The following SLC35F5 variants were observed in gnomAD, a reference collection of about 807,000 sequenced individuals.
SLC35F5 encodes the protein solute carrier family 35 member F5, also known as HCV NS5A-transactivated protein 3.
In SLC35F5, 54 loss-of-function variants were observed where a neutral mutation model predicts 68.6. That is an observed-to-expected ratio of 0.79 (90% confidence interval 0.63 to 0.99). SLC35F5 has a LOEUF of 0.99. Ranked by LOEUF, SLC35F5 falls within the 50% of genes least tolerant of loss-of-function variation. The pLI is 0.00. For synonymous variants in SLC35F5, 211 were observed against 205.2 expected (o/e 1.03, Z -0.24); for missense variants, 567 against 626.9 (o/e 0.90, Z 1.02).
At position 113,730,642 on chromosome 2, in the gene SLC35F5, C is replaced by T. The variant is rs548340433; in HGVS notation, c.985+942G>A. 2.6e-5 allele frequency among the ~76,000 whole-genome samples: 4 copies of T among 152,300 alleles called. No homozygotes were observed. In the South Asian group the frequency reaches 8.3e-4, roughly 32 times the overall value. On this transcript the variant is annotated intron_variant, in intron 10 of 15. Coordinates refer to ENST00000245680, the MANE Select transcript of SLC35F5 (RefSeq NM_025181.5). ...TATTATGAGGTCTCACTATGCTGCC[C>T]AGGCTGGTATTGAACTCCTGGCCTC...
At chr2:113,739,568 G>A (rs1225353048) in intron 7 of SLC35F5, among the ~76,000 whole-genome samples, 1 of 152,116 alleles carries the variant, frequency 6.6e-6, no homozygotes, top group Non-Finnish European at 1.5e-5. Context: ...TGATAATTAC[G>A]TATGTAATAA....
At chr2:113,731,437 AT>A (rs985093488) in intron 10 of SLC35F5, 146 bp downstream of exon 10, 24 of 591,408 alleles carry the variant, frequency 4.1e-5, no homozygotes, top group East Asian at 1.8e-4. Context: ...CTATTTACGC[AT>A]TTTTTTATGT....
rs951884257 is a variant in SLC35F5, at chr2:113,729,415, A to C, written c.1076T>G (p.Ile359Ser). ...RKVDREDKLDIPMFFGFVGLF... is the reference protein window; with the variant it reads ...RKVDREDKLDSPMFFGFVGLF... ...TATATTCTTACCAAAGAACATTGGAATATCCAACTTGTCTTCTCTATCTAC... is the reference window on the plus strand; with the variant it reads ...TATATTCTTACCAAAGAACATTGGACTATCCAACTTGTCTTCTCTATCTAC... Residue 359 changes from isoleucine (I) to serine (S), a missense_variant, in exon 11 of 16, where the codon ATT (isoleucine) becomes AGT (serine). By Grantham distance (142) the Ile-to-Ser change is moderately radical. Coordinates refer to ENST00000245680, the MANE Select transcript of SLC35F5 (RefSeq NM_025181.5). 6.6e-7 allele frequency: 1 copy of C among 1,518,776 alleles called. No homozygotes were observed. Among genetic ancestry groups the C allele is most frequent in the South Asian group, 1.2e-5 (1 of 85,776 alleles). 94.1% of individuals were successfully genotyped at this position (1,518,776 alleles called of 1,614,324 possible).
chr2:113,718,998 T>G (rs1465918888), intron 14 of SLC35F5, among the ~76,000 whole-genome samples, 156 bp downstream of exon 14: 1 of 151,894 alleles, frequency 6.6e-6, no homozygotes, highest in African/African-American at 2.4e-5. Context: ...ACCCAAAAGA[T>G]CTAAACCAAT....
At chr2:113,756,298 G>T in intron 1 of SLC35F5, 72 bp downstream of exon 1, 1 of 1,548,120 alleles carries the variant, frequency 6.5e-7, no homozygotes. Flanking sequence ...AGGGCAGGAG[G>T]TGGTGCTGCT....
At chr2:113,723,609 C>T (rs1369049913) in intron 12 of SLC35F5, among the ~76,000 whole-genome samples, 3 of 152,098 alleles carry the variant, frequency 2.0e-5, no homozygotes, top group Non-Finnish European at 4.4e-5. Context: ...AAGTGATAAG[C>T]CAACATGTGA....
chr2:113,729,231 G>T (rs1168222576), intron 11 of SLC35F5, among the ~76,000 whole-genome samples, 170 bp downstream of exon 11: 2 of 152,168 alleles, frequency 1.3e-5, no homozygotes, highest in Non-Finnish European at 2.9e-5. Flanking sequence ...GCACAACTAT[G>T]CAGGATAAAG....
At chr2:113,729,012 C>T (rs907759012) in intron 11 of SLC35F5, among the ~76,000 whole-genome samples, 5 of 152,162 alleles carry the variant, frequency 3.3e-5, no homozygotes, top group African/African-American at 9.7e-5. Flanking sequence ...ACATATAATT[C>T]GGGGGCAGTC....
rs1298761637 is a variant in SLC35F5, at chr2:113,707,571, T to G, written c.*7647A>C. On this transcript the variant is annotated 3_prime_UTR_variant, in exon 16 of 16. Coordinates refer to ENST00000245680, the MANE Select transcript of SLC35F5 (RefSeq NM_025181.5). Reference sequence around the variant, plus strand: ...ATGAAGACTCACTTTTTATTTCTTATTTTTTTGAAACAGGGTCTCGCTCTG... The same window carrying G: ...ATGAAGACTCACTTTTTATTTCTTAGTTTTTTGAAACAGGGTCTCGCTCTG... Among the ~76,000 whole-genome samples, 1 of 152,176 alleles carries G rather than the reference T, an allele frequency of 6.6e-6. No individual in the cohort carries two copies. The highest frequency in any genetic ancestry group is 2.4e-5 in the African/African-American group (1 of 41,440).
chr2:113,723,217 T>G (rs766033240), intron 12 of SLC35F5, 23 bp from the exon 13 acceptor site: 1 of 1,505,328 alleles, frequency 6.6e-7, no homozygotes, highest in Non-Finnish European at 8.9e-7. Context: ...AAATATACAT[T>G]TCTATATTTA....
chr2:113,739,711 G>A (rs1688219448), intron 7 of SLC35F5, among the ~76,000 whole-genome samples: 1 of 152,074 alleles, frequency 6.6e-6, no homozygotes, highest in South Asian at 2.1e-4. Flanking sequence ...TGTAATAAAA[G>A]CATCTATAGT....
chr2:113,736,224 G>A (rs551637743), intron 7 of SLC35F5, among the ~76,000 whole-genome samples: 99 of 150,626 alleles, frequency 6.6e-4, no homozygotes, highest in African/African-American at 2.4e-3. Flanking sequence ...TGGGTGGATT[G>A]CTTGAGCCCA....
intron 7 of SLC35F5, among the ~76,000 whole-genome samples, chr2:113,739,133 T>C (rs1346495522): frequency 6.6e-6 from 1 of 152,166 alleles, no homozygotes; most frequent in Non-Finnish European, 1.5e-5. Flanking sequence ...GCTAGTTTTC[T>C]CTCAGTATCT....
At chr2:113,735,719 T>C (rs1056952441) in intron 8 of SLC35F5, 58 bp downstream of exon 8, 20 of 1,144,612 alleles carry the variant, frequency 1.7e-5, no homozygotes, top group Non-Finnish European at 2.6e-5. Context: ...TACACACATA[T>C]ATACCAGAAA....
rs764255442 is a variant in SLC35F5, at chr2:113,743,788, G to C, written c.487C>G (p.Pro163Ala). The C allele has an allele frequency of 6.2e-7, 1 of 1,601,802 alleles. No homozygotes were observed. The highest frequency in any genetic ancestry group is 8.5e-7 in the Non-Finnish European group (1 of 1,173,436). ...TGGAATTTCACAGGCACATACAGAG[G>C]TTCACTCTGGAATGTAACAGAAAAA... ...DTTMNSSLSE[P>A]LYVPVKFHDL... is the part of the protein sequence containing the mutation. Residue 163 changes from proline to alanine, a missense_variant, in exon 6 of 16, where the codon CCT becomes GCT. Transcript: ENST00000245680.
intron 4 of SLC35F5, among the ~76,000 whole-genome samples, chr2:113,748,914 C>T (rs1188068371): frequency 1.3e-5 from 2 of 152,178 alleles, no homozygotes; most frequent in Admixed American, 6.5e-5. Flanking sequence ...TGCAACTCTC[C>T]TGCCTCAGCC....
At position 113,730,291 on chromosome 2, in the gene SLC35F5, TAATGTTCTGCCAA is replaced by T. The variant is rs560912231; in HGVS notation, c.986-799_986-787del. On this transcript the variant is annotated intron_variant, in intron 10 of 15. Transcript: ENST00000245680. ...ATTTAAACTTTTCAAAACAGCTAAA[TAATGTTCTGCCAA>T]GTGGTCATATTCAATACTTTAATCA... Among the ~76,000 whole-genome samples, 288 of 152,360 alleles carry T rather than the reference TAATGTTCTGCCAA, an allele frequency of 1.9e-3. 2 individuals carry two copies. The highest frequency in any genetic ancestry group is 6.6e-3 in the African/African-American group (273 of 41,592).
chr2:113,724,938 C>T (rs530552467), intron 12 of SLC35F5, among the ~76,000 whole-genome samples: 21 of 152,094 alleles, frequency 1.4e-4, no homozygotes, highest in African/African-American at 5.1e-4. Flanking sequence ...ATAAATAAAA[C>T]AAAAACACCT....
chr2:113,730,149 C>T (rs1239131267), intron 10 of SLC35F5, among the ~76,000 whole-genome samples: 3 of 152,136 alleles, frequency 2.0e-5, no homozygotes, highest in Non-Finnish European at 2.9e-5. Flanking sequence ...TCAAGAACTC[C>T]TTGAAAACTG....
Sources: gnomAD v4.1 joint callset for allele counts (sites outside exome capture counted in the v4.1 genomes callset) on GRCh38, gnomAD v4.1.1 for gene constraint, MANE v1.5 for transcripts, NCBI Gene and HGNC (gene_info 2026-07-23, HGNC 2026-07-21) for gene names.